Variants in PDE4D observed in about 807,000 individuals in gnomAD.
PDE4D encodes the protein phosphodiesterase 4D, also known as 3',5'-cyclic-AMP phosphodiesterase 4D.
Under a neutral mutation model 87.4 loss-of-function variants are expected in PDE4D, and 24 were observed. That is an observed-to-expected ratio of 0.27 (90% CI 0.20 to 0.39). The LOEUF (loss-of-function observed/expected upper bound fraction) is 0.39. Ranked by LOEUF, PDE4D falls within the 10% of genes least tolerant of loss-of-function variation. The pLI is 1.00. For synonymous variants in PDE4D, 384 were observed against 383.2 expected, an observed-to-expected ratio of 1.00 and a Z score of -0.02; for missense variants, 714 against 1,041.0, an observed-to-expected ratio of 0.69 and a Z score of 4.32.
chr5:59,001,232 A>G (rs1022191337), intron 6 of PDE4D, among the ~76,000 whole-genome samples: 1 of 152,198 alleles, frequency 6.6e-6, no homozygotes, highest in Non-Finnish European at 1.5e-5. Flanking sequence ...TGATTTTAGC[A>G]TATAATTCTG....
At chr5:59,469,775 C>T (rs534810048) in intron 1 of PDE4D, among the ~76,000 whole-genome samples, 12 of 152,164 alleles carry the variant, frequency 7.9e-5, no homozygotes, top group East Asian at 7.7e-4. Context: ...ATCTCATTTA[C>T]GAAGAGGAGA....
chr5:59,545,694 T>C (rs1473985622), intron 1 of PDE4D, among the ~76,000 whole-genome samples: 1 of 152,204 alleles, frequency 6.6e-6, no homozygotes, highest in Admixed American at 6.5e-5. Flanking sequence ...AAGAGCTATA[T>C]TGAGTAAAAC....
intron 1 of PDE4D, among the ~76,000 whole-genome samples, chr5:59,591,315 A>G (rs1825884997): frequency 6.6e-6 from 1 of 152,176 alleles, no homozygotes; most frequent in African/African-American, 2.4e-5. Flanking sequence ...AGAATGATTA[A>G]GTTCAACCTT....
At position 59,281,361 on chromosome 5, in the gene PDE4D, T is replaced by A. The variant is rs1765769366; in HGVS notation, c.456-65393A>T. Among the ~76,000 whole-genome samples the A allele has an allele frequency of 1.3e-5, 2 of 152,096 alleles. 1 individual carries two copies. The highest frequency in any genetic ancestry group is 4.1e-4 in the South Asian group (2 of 4,820). On this transcript the variant is annotated intron_variant, in intron 1 of 14. Transcript: ENST00000340635. ...TTTTTGTACTAATTATTGGTTTGAG[T>A]GACTTTTTAAAGAAAAAAATGGCAT...
At chr5:60,012,169 T>C (rs550229441) in intron 2 of PDE4D, among the ~76,000 whole-genome samples, 14 of 152,322 alleles carry the variant, frequency 9.2e-5, no homozygotes, top group Non-Finnish European at 1.5e-4. Context: ...ATGCCTAAGA[T>C]ACATTCATAA....
chr5:60,219,380 A>G (rs1393075608), intron 1 of PDE4D, among the ~76,000 whole-genome samples: 3 of 152,170 alleles, frequency 2.0e-5, no homozygotes, highest in Non-Finnish European at 2.9e-5. Flanking sequence ...ATAATCTAGT[A>G]GCTCTTGTTG....
chr5:60,377,287 G>A (rs901118187), intron 1 of PDE4D, among the ~76,000 whole-genome samples: 4 of 152,188 alleles, frequency 2.6e-5, no homozygotes, highest in Non-Finnish European at 5.9e-5. Flanking sequence ...CTAGCACAGA[G>A]TCAGCATATC....
At chr5:60,143,332 T>C (rs1683617385) in intron 2 of PDE4D, among the ~76,000 whole-genome samples, 1 of 152,218 alleles carries the variant, frequency 6.6e-6, no homozygotes, top group South Asian at 2.1e-4. Flanking sequence ...TAATATTCTA[T>C]AACAAAATTT....
At chr5:59,121,959 T>C (rs918677158) in intron 5 of PDE4D, among the ~76,000 whole-genome samples, 5 of 151,914 alleles carry the variant, frequency 3.3e-5, no homozygotes, top group South Asian at 4.2e-4. Context: ...CTGGCCAATA[T>C]GGTGAAACCC....
intron 1 of PDE4D, among the ~76,000 whole-genome samples, chr5:60,234,205 T>C (rs1169686396): frequency 6.6e-6 from 1 of 151,836 alleles, no homozygotes; most frequent in Non-Finnish European, 1.5e-5. Context: ...AGAAGTAGTC[T>C]TTTGTGACTT....
At chr5:59,865,235 T>C (rs775506778) in intron 1 of PDE4D, among the ~76,000 whole-genome samples, 2 of 152,204 alleles carry the variant, frequency 1.3e-5, no homozygotes, top group Non-Finnish European at 2.9e-5. Context: ...AATTCTTCAA[T>C]AGATTAAACA....
At chr5:60,041,391 T>C (rs1768462860) in intron 2 of PDE4D, among the ~76,000 whole-genome samples, 1 of 152,188 alleles carries the variant, frequency 6.6e-6, no homozygotes, top group African/African-American at 2.4e-5. Flanking sequence ...CAATAGCTAA[T>C]TCTTTAAGGC....
At chr5:59,916,589 T>C (rs556328296) in intron 3 of PDE4D, among the ~76,000 whole-genome samples, 5 of 152,288 alleles carry the variant, frequency 3.3e-5, no homozygotes, top group African/African-American at 1.2e-4. Flanking sequence ...GCAATGTACA[T>C]ATAATTTGGT....
chr5:59,244,680 C>CTGTT (rs1758452550), intron 1 of PDE4D, among the ~76,000 whole-genome samples: 1 of 120,054 alleles, frequency 8.3e-6, no homozygotes, highest in Non-Finnish European at 1.7e-5. Context: ...GTGTGTGTGT[C>CTGTT]TGTGTGTGTG....
chr5:59,444,020 G>C (rs1161266803), intron 1 of PDE4D, among the ~76,000 whole-genome samples: 1 of 152,170 alleles, frequency 6.6e-6, no homozygotes. Context: ...AAACTATTGA[G>C]ATCAAACAGG....
intron 1 of PDE4D, among the ~76,000 whole-genome samples, chr5:59,317,028 T>C (rs755102859): frequency 6.6e-6 from 1 of 152,172 alleles, no homozygotes; most frequent in Admixed American, 6.5e-5. Context: ...CTCAGTACTA[T>C]AGGCAGGCAC....
chr5:59,395,453 G>C (rs1007278879), intron 1 of PDE4D, among the ~76,000 whole-genome samples: 1 of 152,162 alleles, frequency 6.6e-6, no homozygotes, highest in African/African-American at 2.4e-5. Flanking sequence ...GCCTAACTGG[G>C]AGGCTCCAGC....
intron 6 of PDE4D, among the ~76,000 whole-genome samples, chr5:59,031,707 C>CAAAAAA (rs70973183): frequency 3.6e-4 from 6 of 16,684 alleles, no homozygotes; most frequent in Non-Finnish European, 6.0e-4. Context: ...GACTCCACCT[C>CAAAAAA]AAAAAAAAAA....
chr5:59,610,482 T>C (rs1828846982), intron 1 of PDE4D, among the ~76,000 whole-genome samples: 1 of 152,204 alleles, frequency 6.6e-6, no homozygotes, highest in South Asian at 2.1e-4. Context: ...TTTAAAATCC[T>C]CTTCACCAGG....
Sources: allele counts gnomAD v4.1 joint callset (sites outside exome capture counted in the v4.1 genomes callset), GRCh38; gene constraint gnomAD v4.1.1; transcripts MANE v1.5; gene names NCBI Gene and HGNC (gene_info 2026-07-23, HGNC 2026-07-21).